SUCLG2: variants seen among roughly 807,000 people sequenced by gnomAD.
The protein encoded by SUCLG2 is succinate-CoA ligase GDP-forming subunit beta.
A neutral mutation model predicts 47.9 loss-of-function variants in SUCLG2; 42 were observed. The observed-to-expected ratio is 0.88, with a 90% CI of 0.69 to 1.14. The LOEUF is 1.14. SUCLG2 is among the 50% of genes most tolerant of loss of function. The pLI, the probability that SUCLG2 is intolerant of heterozygous loss-of-function variation, is 0.00. For synonymous variants in SUCLG2, 195 were observed against 197.3 expected (o/e 0.99, Z 0.10); for missense variants, 571 against 525.9 (o/e 1.09, Z -0.84).
At chr3:67,500,755 C>T (rs994344717) in intron 7 of SUCLG2, among the ~76,000 whole-genome samples, 2 of 152,156 alleles carry the variant, frequency 1.3e-5, no homozygotes, top group African/African-American at 4.8e-5. Flanking sequence ...TAACTGACAC[C>T]TTCAAAATGA....
chr3:67,473,421 T>G (rs1704653581), intron 9 of SUCLG2, among the ~76,000 whole-genome samples: 1 of 150,382 alleles, frequency 6.6e-6, no homozygotes, highest in African/African-American at 2.4e-5. Flanking sequence ...ATTCTGAAAT[T>G]TGTGATTTTT....
At chr3:67,413,095 C>G (rs1362545708) in intron 9 of SUCLG2, among the ~76,000 whole-genome samples, 1 of 152,114 alleles carries the variant, frequency 6.6e-6, no homozygotes, top group Non-Finnish European at 1.5e-5. Context: ...TGGGACATGG[C>G]TAATACCTAA....
intron 9 of SUCLG2, 136 bp from the exon 10 acceptor site, chr3:67,400,987 C>CA: frequency 8.1e-7 from 1 of 1,239,446 alleles, no homozygotes; most frequent in Non-Finnish European, 1.1e-6. Context: ...GCATAAAATA[C>CA]AAAAATGGCC....
intron 9 of SUCLG2, among the ~76,000 whole-genome samples, chr3:67,489,650 C>G (rs528663169): frequency 1.3e-5 from 2 of 152,166 alleles, no homozygotes; most frequent in African/African-American, 4.8e-5. Flanking sequence ...TAAATTCCTA[C>G]AAGAGTTCTA....
At chr3:67,426,287 T>C (rs1703299766) in intron 9 of SUCLG2, among the ~76,000 whole-genome samples, 1 of 152,108 alleles carries the variant, frequency 6.6e-6, no homozygotes, top group South Asian at 2.1e-4. Context: ...GTTTGTACAA[T>C]AACCAAAACA....
At chr3:67,552,936 A>G (rs1707057422) in intron 2 of SUCLG2, among the ~76,000 whole-genome samples, 1 of 152,234 alleles carries the variant, frequency 6.6e-6, no homozygotes, top group Non-Finnish European at 1.5e-5. Context: ...TTAGGTGATA[A>G]GAAATATACT....
At chr3:67,382,795 C>A (rs114611273) in intron 10 of SUCLG2, among the ~76,000 whole-genome samples, 8,677 of 152,182 alleles carry the variant, frequency 0.057, 320 homozygotes, top group Middle Eastern at 0.13. Context: ...GTATTTCAGC[C>A]CCTCTGCTGG....
chr3:67,597,680 C>T (rs1017778879), intron 2 of SUCLG2, among the ~76,000 whole-genome samples: 2 of 152,110 alleles, frequency 1.3e-5, no homozygotes, highest in Non-Finnish European at 2.9e-5. Context: ...TGGCTCACGT[C>T]TGTGGTCCCA....
chr3:67,407,187 G>A (rs536343390), intron 9 of SUCLG2, among the ~76,000 whole-genome samples: 15 of 152,096 alleles, frequency 9.9e-5, no homozygotes, highest in African/African-American at 1.4e-4. Context: ...AACAACAAGC[G>A]GTGAGCCAGA....
At chr3:67,488,332 C>T (rs1230815740) in intron 9 of SUCLG2, among the ~76,000 whole-genome samples, 3 of 152,252 alleles carry the variant, frequency 2.0e-5, no homozygotes, top group African/African-American at 7.2e-5. Flanking sequence ...ATGAGACCAT[C>T]TTTCCTAATT....
At chr3:67,632,422 A>G (rs1013417605) in intron 1 of SUCLG2, among the ~76,000 whole-genome samples, 8 of 152,104 alleles carry the variant, frequency 5.3e-5, no homozygotes, top group Admixed American at 2.0e-4. Flanking sequence ...ACCTCGAGTG[A>G]TCTGCCCGCC....
chr3:67,508,909 T>C lies in SUCLG2; in HGVS notation c.661-6A>G. The C allele has an allele frequency of 6.3e-7, 1 of 1,585,776 alleles. No individual in the cohort carries two copies. The highest frequency in any genetic ancestry group is 8.6e-7 in the Non-Finnish European group (1 of 1,166,594). On this transcript the variant is annotated splice_polypyrimidine_tract_variant and splice_region_variant and intron_variant, in intron 6 of 10. Transcript: ENST00000307227. ...TTCGTAATTTGATCTGCAGCCTAAATGTGATCAAGTGAAATAGAATTACAC... is the reference window on the plus strand; with the variant it reads ...TTCGTAATTTGATCTGCAGCCTAAACGTGATCAAGTGAAATAGAATTACAC...
chr3:67,381,933 A>G (rs1702167032), intron 10 of SUCLG2, among the ~76,000 whole-genome samples: 1 of 152,214 alleles, frequency 6.6e-6, no homozygotes, highest in East Asian at 1.9e-4. Context: ...CTTCGCTTTT[A>G]TTACACACAA....
In SUCLG2 at chr3:67,520,575, G is replaced by A; in HGVS notation, c.477C>T (p.Asp159=). Residue 159 remains aspartate (D), a synonymous_variant, in exon 5 of 11, where the codon GAC becomes GAT. Coordinates refer to ENST00000307227, the MANE Select transcript of SUCLG2 (RefSeq NM_003848.4). ...CCAGCACGGGGCCATTGCAGGACCGGTCCATCAGAATTGCCAGGTAGGTTT... is the reference window on the plus strand; with the variant it reads ...CCAGCACGGGGCCATTGCAGGACCGATCCATCAGAATTGCCAGGTAGGTTT... ...SRETYLAILM[D]RSCNGPVLVG... is the part of the protein sequence containing the mutation. 6 of 1,614,106 alleles carry A rather than the reference G, an allele frequency of 3.7e-6. No homozygotes were observed. The highest frequency in any genetic ancestry group is 5.1e-6 in the Non-Finnish European group (6 of 1,179,994).
At chr3:67,396,298 G>A (rs1702527677) in intron 10 of SUCLG2, among the ~76,000 whole-genome samples, 1 of 152,020 alleles carries the variant, frequency 6.6e-6, no homozygotes, top group African/African-American at 2.4e-5. Flanking sequence ...GAAGAAAAGA[G>A]AGAGGAATCA....
intron 9 of SUCLG2, among the ~76,000 whole-genome samples, chr3:67,413,439 T>C (rs764981715): frequency 1.6e-4 from 25 of 152,200 alleles, no homozygotes; most frequent in Admixed American, 9.8e-4. Context: ...CTCGAGAAGA[T>C]GGTTAGTATT....
intron 2 of SUCLG2, among the ~76,000 whole-genome samples, chr3:67,544,731 C>T (rs1051655338): frequency 2.0e-4 from 30 of 152,258 alleles, no homozygotes; most frequent in African/African-American, 6.5e-4. Context: ...GGCTACTTTG[C>T]TTTTCTATTT....
At chr3:67,648,612 A>T (rs540347648) in intron 1 of SUCLG2, among the ~76,000 whole-genome samples, 56 of 152,196 alleles carry the variant, frequency 3.7e-4, no homozygotes, top group African/African-American at 1.3e-3. Context: ...AGACTGTGAA[A>T]TCTCCCCTGC....
chr3:67,613,778 C>T (rs149808601), intron 1 of SUCLG2, among the ~76,000 whole-genome samples: 1 of 152,314 alleles, frequency 6.6e-6, no homozygotes, highest in East Asian at 1.9e-4. Flanking sequence ...TCACAAGTTA[C>T]TCTGAAACAG....
Sources: allele counts gnomAD v4.1 joint callset (sites outside exome capture counted in the v4.1 genomes callset), GRCh38; gene constraint gnomAD v4.1.1; transcripts MANE v1.5; gene names NCBI Gene and HGNC (gene_info 2026-07-23, HGNC 2026-07-21).